The following DNAJC2 variants were observed in gnomAD, a reference collection of about 807,000 sequenced individuals.
DNAJC2 encodes dnaJ homolog subfamily C member 2.
Under a neutral mutation model 94.0 loss-of-function variants are expected in DNAJC2, and 32 were observed. The observed-to-expected ratio is 0.34, with a 90% CI of 0.26 to 0.46. DNAJC2 has a LOEUF of 0.46. DNAJC2 is among the 20% of genes least tolerant of loss of function. DNAJC2 has a pLI of 1.00. For synonymous variants in DNAJC2, 210 were observed against 229.7 expected, an observed-to-expected ratio of 0.91 and a Z score of 0.77; for missense variants, 550 against 719.5, an observed-to-expected ratio of 0.76 and a Z score of 2.69.
chr7:103,332,303 C>T lies in DNAJC2; in HGVS notation c.332-4549G>A, dbSNP rs115474069. 4.6e-5 allele frequency among the ~76,000 whole-genome samples: 7 copies of T among 152,252 alleles called. No homozygotes were observed. In the East Asian group the frequency reaches 5.8e-4, roughly 13 times the overall value. ...TATAGGCGTGAGCCACTGCACCCAG[C>T]GAATTTGCTATTATTTTTAACATTT... On this transcript the variant is annotated intron_variant, in intron 3 of 16. Coordinates refer to ENST00000379263, the MANE Select transcript of DNAJC2 (RefSeq NM_014377.3).
chr7:103,332,274 G>A (rs768265721), intron 3 of DNAJC2, among the ~76,000 whole-genome samples: 26 of 152,242 alleles, frequency 1.7e-4, no homozygotes, highest in Non-Finnish European at 3.1e-4. Flanking sequence ...CAAAGTGCTC[G>A]GATTATAGGC....
intron 12 of DNAJC2, among the ~76,000 whole-genome samples, chr7:103,318,566 C>T (rs1272295466): frequency 6.6e-6 from 1 of 152,144 alleles, no homozygotes; most frequent in African/African-American, 2.4e-5. Flanking sequence ...TAAGGTTCTT[C>T]TCAGGTTCTT....
chr7:103,327,348 A>C, intron 4 of DNAJC2: 2 of 1,296,598 alleles, frequency 1.5e-6, no homozygotes, highest in South Asian at 1.2e-5. Flanking sequence ...TAACTGTAGG[A>C]TGAGCTTCTG....
chr7:103,324,540 G>T lies in DNAJC2; in HGVS notation c.595C>A (p.Pro199Thr). 2 of 1,484,720 alleles carry T rather than the reference G, an allele frequency of 1.3e-6. No individual in the cohort carries two copies. The highest frequency in any genetic ancestry group is 2.6e-5 in the South Asian group (2 of 76,620). The allele number at this position is 1,484,720 out of a possible 1,614,324, so 92.0% of individuals were successfully genotyped here. ...GATGAATTCATATCACCAAGTTTAG[G>T]AACATTTTTTTTATTTGACCATCTG... ...NSRWSNKKNV[P>T]KLGDMNSSFE... Residue 199 changes from proline to threonine, a missense_variant, in exon 6 of 17, where the codon CCT (proline) becomes ACT (threonine). Coordinates refer to ENST00000379263, the MANE Select transcript of DNAJC2 (RefSeq NM_014377.3).
At chr7:103,342,662 G>A (rs559780499) in intron 1 of DNAJC2, among the ~76,000 whole-genome samples, 1 of 149,688 alleles carries the variant, frequency 6.7e-6, no homozygotes, top group Admixed American at 6.7e-5. Flanking sequence ...AGGCTGGAGT[G>A]CAATGGCGCG....
Position 103,315,883 on chromosome 7 carries a change from A to G in DNAJC2, c.1529-12T>C, listed in dbSNP as rs77819714. Reference sequence around the variant, plus strand: ...TTTTTGATGAGGGTCTGAGAAATGAAAAAAATTTAATACTTAACAGATCAT... The same window carrying G: ...TTTTTGATGAGGGTCTGAGAAATGAGAAAAATTTAATACTTAACAGATCAT... On this transcript the variant is annotated splice_polypyrimidine_tract_variant and intron_variant, in intron 14 of 16. Transcript: ENST00000379263. 5.0e-3 allele frequency: 7,899 copies of G among 1,589,836 alleles called. 324 individuals are homozygous for G. The African/African-American group carries it at 0.089, about 18-fold the overall frequency.
intron 15 of DNAJC2, chr7:103,314,489 T>C (rs777572453): frequency 1.5e-5 from 15 of 985,188 alleles, no homozygotes; most frequent in South Asian, 1.4e-4. Flanking sequence ...TGGACAAATA[T>C]CAGGGCCCAC....
At chr7:103,338,999 T>A (rs1429067669) in intron 2 of DNAJC2, among the ~76,000 whole-genome samples, 1 of 152,160 alleles carries the variant, frequency 6.6e-6, no homozygotes, top group Non-Finnish European at 1.5e-5. Context: ...CACAAAGGCC[T>A]AAGAAAGGCT....
At chr7:103,328,704 C>T (rs1023904275) in intron 3 of DNAJC2, among the ~76,000 whole-genome samples, 1 of 152,160 alleles carries the variant, frequency 6.6e-6, no homozygotes, top group Non-Finnish European at 1.5e-5. Context: ...TCTTCAGCTT[C>T]ACATTATAGC....
intron 15 of DNAJC2, chr7:103,314,591 G>C: frequency 1.0e-6 from 1 of 985,198 alleles, no homozygotes; most frequent in Non-Finnish European, 1.2e-6. Context: ...AGGTGCAGGA[G>C]AATAAACTCC....
chr7:103,316,829 C>G lies in DNAJC2; in HGVS notation c.1427+1G>C. 1 of 1,612,730 alleles carries G rather than the reference C, an allele frequency of 6.2e-7. No individual in the cohort carries two copies. The highest frequency in any genetic ancestry group is 8.5e-7 in the Non-Finnish European group (1 of 1,179,576). On this transcript the variant is annotated splice_donor_variant, in intron 13 of 16. Coordinates refer to ENST00000379263, the MANE Select transcript of DNAJC2 (RefSeq NM_014377.3). LOFTEE classifies it high-confidence loss of function. Reference sequence around the variant, plus strand: ...AAGAAAAGTTTCATTAAAACCAGTACCTTGAATTTGTTCCAGCAGGGAACA... The same window carrying G: ...AAGAAAAGTTTCATTAAAACCAGTAGCTTGAATTTGTTCCAGCAGGGAACA...
chr7:103,340,060 A>T (rs1372411876), intron 2 of DNAJC2, among the ~76,000 whole-genome samples: 1 of 151,570 alleles, frequency 6.6e-6, no homozygotes, highest in Non-Finnish European at 1.5e-5. Flanking sequence ...CTGGTCTCGA[A>T]CTCCTGACCT....
Position 103,316,833 on chromosome 7 carries a change from G to C in DNAJC2, c.1424C>G (p.Ser475Ter). The C allele has an allele frequency of 6.2e-7, 1 of 1,612,976 alleles. No individual in the cohort carries two copies. Among genetic ancestry groups the C allele is most frequent in the Non-Finnish European group, 8.5e-7 (1 of 1,179,724 alleles). ...AAAGTTTCATTAAAACCAGTACCTT[G>C]AATTTGTTCCAGCAGGGAACAGATT... ...AVNLFPAGTN[S>*]RWEVIANYMN... Residue 475 changes from serine to a stop codon, truncating the protein, a stop_gained, in exon 13 of 17, where the codon TCA becomes TGA. Coordinates refer to ENST00000379263, the MANE Select transcript of DNAJC2 (RefSeq NM_014377.3). LOFTEE classifies it high-confidence loss of function.
intron 12 of DNAJC2, 153 bp from the exon 13 acceptor site, chr7:103,317,167 CT>C: frequency 6.1e-6 from 4 of 659,418 alleles, no homozygotes; most frequent in Non-Finnish European, 1.0e-5. Flanking sequence ...GAAGCACCAG[CT>C]TTTCACTCTG....
chr7:103,317,400 G>A (rs146469862), intron 12 of DNAJC2: 73 of 169,800 alleles, frequency 4.3e-4, no homozygotes, highest in African/African-American at 1.7e-3. Context: ...AAAAGGTGAA[G>A]GCATAGCAAA....
intron 6 of DNAJC2, 50 bp from the exon 7 acceptor site, chr7:103,323,713 A>C (rs774988520): frequency 8.0e-7 from 1 of 1,257,008 alleles, no homozygotes; most frequent in Non-Finnish European, 1.1e-6. Context: ...AATGAAAAAA[A>C]ATTCTTTTTA....
chr7:103,338,263 CTGTCTT>C (rs1412786008), intron 2 of DNAJC2, among the ~76,000 whole-genome samples: 1 of 140,294 alleles, frequency 7.1e-6, no homozygotes, highest in African/African-American at 3.0e-5. Flanking sequence ...GAGCAAGACC[CTGTCTT>C]TTTTTTTTTT....
intron 3 of DNAJC2, 72 bp from the exon 4 acceptor site, chr7:103,327,826 C>A: frequency 1.1e-6 from 1 of 895,100 alleles, no homozygotes; most frequent in South Asian, 1.5e-5. Context: ...ACATGTAGAC[C>A]ATTTCTAAAA....
chr7:103,336,478 G>C (rs1819179122), intron 3 of DNAJC2: 1 of 152,320 alleles, frequency 6.6e-6, no homozygotes, highest in South Asian at 2.1e-4. Flanking sequence ...CAAGTAGCTG[G>C]GAATACAGGT....
Sources: gnomAD v4.1 joint callset for allele counts (sites outside exome capture counted in the v4.1 genomes callset) on GRCh38, gnomAD v4.1.1 for gene constraint, MANE v1.5 for transcripts, NCBI Gene and HGNC (gene_info 2026-07-23, HGNC 2026-07-21) for gene names.